The following TNIK variants were observed in gnomAD, a reference collection of about 807,000 sequenced individuals.
The protein encoded by TNIK is TRAF2 and NCK-interacting protein kinase.
Under a neutral mutation model 191.3 loss-of-function variants are expected in TNIK, and 49 were observed. The ratio of observed to expected loss-of-function variants is 0.26; its 90% CI spans 0.20 to 0.32. TNIK has a LOEUF of 0.32. TNIK is among the 10% of genes least tolerant of loss of function. The pLI is 1.00. For synonymous variants in TNIK, 594 were observed against 600.9 expected (o/e 0.99, Z 0.17); for missense variants, 1,155 against 1,702.3 (o/e 0.68, Z 5.66).
At chr3:171,390,212 G>A (rs531659419) in intron 1 of TNIK, among the ~76,000 whole-genome samples, 88 of 152,122 alleles carry the variant, frequency 5.8e-4, no homozygotes, top group Non-Finnish European at 1.1e-3. Flanking sequence ...GCCCAAAAGT[G>A]CAAGTGCATG....
intron 23 of TNIK, among the ~76,000 whole-genome samples, chr3:171,092,197 C>T (rs1229423347): frequency 6.6e-6 from 1 of 152,056 alleles, no homozygotes; most frequent in Non-Finnish European, 1.5e-5. Flanking sequence ...ATCCTCCCAC[C>T]TCGGCCTCCC....
intron 7 of TNIK, among the ~76,000 whole-genome samples, chr3:171,188,007 G>A (rs915761218): frequency 3.9e-5 from 6 of 152,184 alleles, no homozygotes; most frequent in Non-Finnish European, 5.9e-5. Context: ...TCACCTGAAA[G>A]TCCAGACAAT....
chr3:171,199,853 C>T (rs868306039), intron 4 of TNIK, among the ~76,000 whole-genome samples: 4 of 152,186 alleles, frequency 2.6e-5, no homozygotes, highest in South Asian at 2.1e-4. Context: ...TATGATGTTT[C>T]TATTCTTTGG....
Position 171,346,610 on chromosome 3 carries a change from C to T in TNIK, c.123+23010G>A, listed in dbSNP as rs545151798. ...TATCACTATAATCTGAGTTTAGCAC[C>T]CCACCAGAATGTGCCGGGGGTATGA... On this transcript the variant is annotated intron_variant, in intron 2 of 32. Transcript: ENST00000436636. Among the ~76,000 whole-genome samples, 7 of 152,008 alleles carry T rather than the reference C, an allele frequency of 4.6e-5. No individual in the cohort carries two copies. In the East Asian group the frequency reaches 1.4e-3, roughly 29 times the overall value.
At chr3:171,263,825 C>A (rs755205267) in intron 2 of TNIK, among the ~76,000 whole-genome samples, 1 of 151,548 alleles carries the variant, frequency 6.6e-6, no homozygotes, top group African/African-American at 2.4e-5. Context: ...ATGGAAGCAA[C>A]CCTTAAACTG....
Position 171,445,919 on chromosome 3 carries a change from A to T in TNIK, c.57+14088T>A, listed in dbSNP as rs142370266. 3.6e-3 allele frequency among the ~76,000 whole-genome samples: 545 copies of T among 152,302 alleles called. 9 individuals carry two copies. The South Asian group carries it at 0.04, about 11-fold the overall frequency. On this transcript the variant is annotated intron_variant, in intron 1 of 32. Coordinates refer to ENST00000436636, the MANE Select transcript of TNIK (RefSeq NM_015028.4). ...GGCATGAAATGTAGAGAGGGACCTC[A>T]TTTTAAAGCTTATTTATGTTATTCG...
chr3:171,194,367 C>CT (rs1230372186), intron 5 of TNIK, among the ~76,000 whole-genome samples, 158 bp downstream of exon 5: 1 of 152,210 alleles, frequency 6.6e-6, no homozygotes, highest in East Asian at 1.9e-4. Flanking sequence ...CAAACTACCA[C>CT]TACCACCACC....
chr3:171,452,163 G>A (rs1010227413), intron 1 of TNIK, among the ~76,000 whole-genome samples: 2 of 152,018 alleles, frequency 1.3e-5, no homozygotes, highest in South Asian at 2.1e-4. Flanking sequence ...CCTATCACTC[G>A]GTCTTCAAAA....
chr3:171,213,373 G>C (rs138894135), intron 3 of TNIK, among the ~76,000 whole-genome samples: 3 of 152,100 alleles, frequency 2.0e-5, no homozygotes, highest in Non-Finnish European at 4.4e-5. Context: ...AGGCAACTAC[G>C]TGAGGTAATA....
Position 171,202,619 on chromosome 3 carries a change from G to A in TNIK, c.307-7984C>T, listed in dbSNP as rs369269631. Reference sequence around the variant, plus strand: ...AAACAAAGTTCAAATGAAATTCTTTGGGACAAAAGAAGAGATCAATTGCAC... The same window carrying A: ...AAACAAAGTTCAAATGAAATTCTTTAGGACAAAAGAAGAGATCAATTGCAC... On this transcript the variant is annotated intron_variant, in intron 4 of 32. Transcript: ENST00000436636. Among the ~76,000 whole-genome samples the A allele has an allele frequency of 8.1e-4, 123 of 152,204 alleles. 1 individual carries two copies. The South Asian group carries it at 0.022, about 28-fold the overall frequency.
intron 27 of TNIK, among the ~76,000 whole-genome samples, chr3:171,080,649 G>A (rs186941367): frequency 9.9e-5 from 15 of 152,168 alleles, no homozygotes; most frequent in South Asian, 2.1e-4. Context: ...ATGTTGGCCA[G>A]GCTGGTCTGG....
chr3:171,241,084 G>A (rs1278615753), intron 2 of TNIK, among the ~76,000 whole-genome samples: 3 of 149,892 alleles, frequency 2.0e-5, no homozygotes, highest in Non-Finnish European at 3.0e-5. Flanking sequence ...AGTTTGGAGT[G>A]CAACGGCACG....
intron 1 of TNIK, among the ~76,000 whole-genome samples, chr3:171,449,310 T>C (rs1173307665): frequency 2.0e-5 from 3 of 152,196 alleles, no homozygotes; most frequent in African/African-American, 7.2e-5. Flanking sequence ...TGGTTCTAGA[T>C]CTTTGAGGAA....
intron 1 of TNIK, among the ~76,000 whole-genome samples, chr3:171,384,102 T>G (rs1441646516): frequency 1.3e-5 from 2 of 152,208 alleles, no homozygotes; most frequent in Non-Finnish European, 2.9e-5. Flanking sequence ...TGTCCCATCT[T>G]TGTCAGTCAA....
intron 1 of TNIK, among the ~76,000 whole-genome samples, chr3:171,442,727 TCAGGTTC>T (rs1726977506): frequency 6.6e-6 from 1 of 152,116 alleles, no homozygotes; most frequent in Non-Finnish European, 1.5e-5. Flanking sequence ...ACCCAGCTGG[TCAGGTTC>T]CAGCAGATTT....
chr3:171,063,333 G>C lies in TNIK; in HGVS notation c.*548C>G, dbSNP rs1478292094. ...CAACCTTTTGGGTTGGTGAAGGCAA[G>C]AGAGTTCTTAAATTACTCCACTATG... On this transcript the variant is annotated 3_prime_UTR_variant, in exon 33 of 33. Coordinates refer to ENST00000436636, the MANE Select transcript of TNIK (RefSeq NM_015028.4). 6.6e-6 allele frequency: 1 copy of C among 152,210 alleles called. No individual in the cohort carries two copies. Among genetic ancestry groups the C allele is most frequent in the Non-Finnish European group, 1.5e-5 (1 of 68,044 alleles). 9.4% of individuals were successfully genotyped at this position (152,210 alleles called of 1,614,324 possible).
intron 4 of TNIK, among the ~76,000 whole-genome samples, chr3:171,209,728 G>A (rs1325455022): frequency 6.6e-6 from 1 of 151,950 alleles, no homozygotes; most frequent in Non-Finnish European, 1.5e-5. Context: ...TAAATTTGGA[G>A]ATGAGCCTTA....
chr3:171,135,021 G>A (rs1729784388), intron 15 of TNIK, among the ~76,000 whole-genome samples: 1 of 152,192 alleles, frequency 6.6e-6, no homozygotes, highest in South Asian at 2.1e-4. Flanking sequence ...ACCTTCAGTG[G>A]CACATGGGGC....
chr3:171,126,168 C>T lies in TNIK; in HGVS notation c.1774-17G>A, dbSNP rs777798391. The T allele has an allele frequency of 1.2e-5, 18 of 1,493,474 alleles. No homozygotes were observed. In the South Asian group the frequency reaches 2.1e-4, roughly 17 times the overall value. The allele number at this position is 1,493,474 out of a possible 1,614,324, so 92.5% of individuals were successfully genotyped here. ...ATGTGGGATCTAAGCATCAAAACAA[C>T]ATGAAAACAGCACTATTAGAAGAAA... On this transcript the variant is annotated splice_polypyrimidine_tract_variant and intron_variant, in intron 16 of 32. Transcript: ENST00000436636.
Sources: gnomAD v4.1 joint callset for allele counts (sites outside exome capture counted in the v4.1 genomes callset) on GRCh38, gnomAD v4.1.1 for gene constraint, MANE v1.5 for transcripts, NCBI Gene and HGNC (gene_info 2026-07-23, HGNC 2026-07-21) for gene names.